Variants in MLLT1 observed in about 807,000 individuals in gnomAD.
The protein encoded by MLLT1 is protein ENL.
Under a neutral mutation model 55.1 loss-of-function variants are expected in MLLT1, and 11 were observed. The ratio of observed to expected loss-of-function variants is 0.20; its 90% CI spans 0.13 to 0.33. MLLT1 has a LOEUF of 0.33. MLLT1 is among the 10% of genes least tolerant of loss of function. The pLI is 1.00. For missense variants in MLLT1, 536 were observed against 760.6 expected, an observed-to-expected ratio of 0.70 and a Z score of 3.47; for synonymous variants, 323 against 320.1, an observed-to-expected ratio of 1.01 and a Z score of -0.10.
chr19:6,225,763 C>T (rs1030726680), intron 5 of MLLT1, among the ~76,000 whole-genome samples: 1 of 152,186 alleles, frequency 6.6e-6, no homozygotes, highest in East Asian at 1.9e-4. Flanking sequence ...GCAGACGCAG[C>T]CCCGCCAGCC....
intron 2 of MLLT1, among the ~76,000 whole-genome samples, chr19:6,268,452 C>T (rs997599408): frequency 2.6e-5 from 4 of 152,122 alleles, no homozygotes; most frequent in Admixed American, 2.0e-4. Flanking sequence ...AAGACAGCCC[C>T]GGGGAGGGAG....
rs2091387819 is a variant in MLLT1, at chr19:6,270,631, G to A, written c.141C>T (p.Phe47=). 2.0e-5 allele frequency: 33 copies of A among 1,614,134 alleles called. No homozygotes were observed. Among genetic ancestry groups the A allele is most frequent in the Non-Finnish European group, 2.7e-5 (32 of 1,180,012 alleles). The change falls in exon 2 of 12, where the codon TTC becomes TTT. Residue 47 remains phenylalanine (F), a synonymous_variant. Coordinates refer to ENST00000252674, the MANE Select transcript of MLLT1 (RefSeq NM_005934.4). The surrounding 1 kb of genome is among the most constrained non-coding windows in gnomAD (Gnocchi z 7.1). ...GCAGCCAGAAGACCACCTTCTCCAC[G>A]AAGTGCTGGATGTCACATTGCTCGG... ...RGPEQCDIQH[F]VEKVVFWLHD...
chr19:6,214,063 C>A, intron 8 of MLLT1, 25 bp from the exon 9 acceptor site: 1 of 1,368,158 alleles, frequency 7.3e-7, no homozygotes, highest in Non-Finnish European at 9.5e-7. Context: ...GGGGGCGCAT[C>A]AGGCCCCTGC....
chr19:6,228,485 C>T (rs2090974638), intron 4 of MLLT1, among the ~76,000 whole-genome samples: 1 of 151,624 alleles, frequency 6.6e-6, no homozygotes, highest in Non-Finnish European at 1.5e-5. Context: ...AACACAGACC[C>T]TCAGCCATGG....
At chr19:6,237,059 C>A (rs771114280) in intron 3 of MLLT1, among the ~76,000 whole-genome samples, 1 of 152,258 alleles carries the variant, frequency 6.6e-6, no homozygotes, top group Admixed American at 6.5e-5. Flanking sequence ...AAGGCTGCAG[C>A]ATGCACCATC....
chr19:6,212,317 T>C lies in MLLT1; in HGVS notation c.*725A>G, dbSNP rs952723775. On this transcript the variant is annotated 3_prime_UTR_variant, in exon 12 of 12. Coordinates refer to ENST00000252674, the MANE Select transcript of MLLT1 (RefSeq NM_005934.4). ...GAACGGCAAAGGGAGAATTCCTCCA[T>C]GCGCCTGGAGAGGGCCAGCTGCCGT... 2.0e-4 allele frequency: 210 copies of C among 1,065,224 alleles called. No homozygotes were observed. The highest frequency in any genetic ancestry group is 2.3e-4 in the Non-Finnish European group (203 of 879,184). 66.0% of individuals were successfully genotyped at this position (1,065,224 alleles called of 1,614,324 possible). A position where few individuals can be genotyped will look rare whatever the true frequency, so the allele number is the denominator to read the frequency against.
chr19:6,213,048 G>C lies in MLLT1; in HGVS notation c.1674C>G (p.Ala558=). 6.2e-7 allele frequency: 1 copy of C among 1,613,512 alleles called. No individual in the cohort carries two copies. The highest frequency in any genetic ancestry group is 8.5e-7 in the Non-Finnish European group (1 of 1,179,650). ...CCCGGCACGCGGCCCAGGGTCATGT[G>C]GCCACGGCCTCCAGGCAGCTCTGCA... ...RKLQSCLEAV[A]T Residue 558 remains alanine, a synonymous_variant, in exon 12 of 12, where the codon GCC becomes GCG. Coordinates refer to ENST00000252674, the MANE Select transcript of MLLT1 (RefSeq NM_005934.4).
Position 6,235,014 on chromosome 19 carries a change from G to C in MLLT1, c.277-4301C>G, listed in dbSNP as rs1482219652. Among the ~76,000 whole-genome samples the C allele has an allele frequency of 6.6e-6, 1 of 152,196 alleles. No homozygotes were observed. Among genetic ancestry groups the C allele is most frequent in the African/African-American group, 2.4e-5 (1 of 41,434 alleles). On this transcript the variant is annotated intron_variant, in intron 3 of 11. Transcript: ENST00000252674. This position sits in a 1 kb window ranked among gnomAD's most constrained non-coding sequence, Gnocchi z 5.5. ...GTAACATAAGAGATGACTAATTCAT[G>C]GGTATGGTCCTGGTAGCACTGTCTT...
intron 3 of MLLT1, among the ~76,000 whole-genome samples, chr19:6,261,650 A>G (rs1273825384): frequency 6.6e-6 from 1 of 152,062 alleles, no homozygotes; most frequent in Non-Finnish European, 1.5e-5. Context: ...CCAAAAAAAA[A>G]AAAAAAAAGT....
chr19:6,236,516 G>C (rs1166933245), intron 3 of MLLT1, among the ~76,000 whole-genome samples: 2 of 152,200 alleles, frequency 1.3e-5, no homozygotes, highest in African/African-American at 4.8e-5. Flanking sequence ...ACTGCAGAGA[G>C]GGGCAGCACC....
intron 1 of MLLT1, among the ~76,000 whole-genome samples, chr19:6,279,552 G>A (rs2091446595): frequency 6.6e-6 from 1 of 151,840 alleles, no homozygotes; most frequent in African/African-American, 2.4e-5. Context: ...AGGGGCTCCG[G>A]GCCCGGCCCG....
At chr19:6,263,631 G>T (rs1022109229) in intron 2 of MLLT1, among the ~76,000 whole-genome samples, 10 of 152,230 alleles carry the variant, frequency 6.6e-5, no homozygotes, top group Admixed American at 4.6e-4. Flanking sequence ...AACCAGGGGA[G>T]AACAGGGAGA....
In MLLT1 at chr19:6,262,726, C is replaced by A. The variant is rs570643036; in HGVS notation, c.194-416G>T. Among the ~76,000 whole-genome samples the A allele has an allele frequency of 8.2e-4, 125 of 152,210 alleles. No homozygotes were observed. The highest frequency in any genetic ancestry group is 2.9e-3 in the African/African-American group (121 of 41,522). The stretch of plus-strand genomic sequence containing the variant: ...AGGGCCACACACTCTACTGTCACCA[C>A]CTCCAGCACGGGGGCTGAGCACCTG... On this transcript the variant is annotated intron_variant, in intron 2 of 11. Coordinates refer to ENST00000252674, the MANE Select transcript of MLLT1 (RefSeq NM_005934.4). This position sits in a 1 kb window ranked among gnomAD's most constrained non-coding sequence, Gnocchi z 4.4.
At chr19:6,218,167 C>A (rs1248194213) in intron 6 of MLLT1, 126 bp from the exon 7 acceptor site, 1 of 1,377,226 alleles carries the variant, frequency 7.3e-7, no homozygotes, top group African/African-American at 1.5e-5. Context: ...CCCTAGGGTC[C>A]CAAGGGTACC....
intron 3 of MLLT1, among the ~76,000 whole-genome samples, chr19:6,251,780 A>G (rs1436515111): frequency 6.6e-6 from 1 of 151,904 alleles, no homozygotes; most frequent in Non-Finnish European, 1.5e-5. Context: ...AAAAAAAAAA[A>G]AAGAAAGAAA....
intron 7 of MLLT1, 130 bp downstream of exon 7, chr19:6,217,824 A>C: frequency 3.0e-6 from 4 of 1,343,182 alleles, no homozygotes; most frequent in Non-Finnish European, 3.9e-6. Context: ...CCAGGCCACC[A>C]AAACCCTCCA....
chr19:6,254,316 T>C (rs2091241607), intron 3 of MLLT1, among the ~76,000 whole-genome samples: 1 of 152,320 alleles, frequency 6.6e-6, no homozygotes, highest in South Asian at 2.1e-4. Context: ...GCCTGCCCCA[T>C]GCAGCAAGGT....
intron 6 of MLLT1, among the ~76,000 whole-genome samples, chr19:6,218,895 C>T (rs540717973): frequency 4.1e-4 from 62 of 152,266 alleles, no homozygotes; most frequent in Non-Finnish European, 7.2e-4. Context: ...AGCCCCCTCA[C>T]CTTGGGGGCC....
chr19:6,220,195 C>G (rs990162711), intron 6 of MLLT1, among the ~76,000 whole-genome samples: 1 of 152,248 alleles, frequency 6.6e-6, no homozygotes, highest in Non-Finnish European at 1.5e-5. Context: ...CAGCCACACA[C>G]AGCCTCTGGG....
Sources: allele counts gnomAD v4.1 joint callset (sites outside exome capture counted in the v4.1 genomes callset), GRCh38; gene constraint gnomAD v4.1.1; non-coding constraint Gnocchi (gnomAD v3.1); transcripts MANE v1.5; gene names NCBI Gene and HGNC (gene_info 2026-07-23, HGNC 2026-07-21).